Variants in ANO7 observed in about 807,000 individuals in gnomAD.
ANO7 encodes the protein anoctamin 7, also known as anoctamin-7.
A neutral mutation model predicts 115.8 loss-of-function variants in ANO7; 114 were observed. That is an observed-to-expected ratio of 0.98 (90% CI 0.85 to 1.15). The LOEUF is 1.15. ANO7 is among the 50% of genes most tolerant of loss of function. ANO7 has a pLI of 0.00. For synonymous variants in ANO7, 550 were observed against 498.2 expected (o/e 1.10, Z -1.38); for missense variants, 1,302 against 1,201.2 (o/e 1.08, Z -1.24).
At position 241,203,372 on chromosome 2, in the gene ANO7, C is replaced by A. The variant is rs138472746; in HGVS notation, c.763C>A (p.Arg255Ser). ...KTPPEGPQAP[R>S]LNQRQVLFQH... is the part of the protein sequence containing the mutation. ...GCCCCCAGAGGGCCCGCAGGCTCCA[C>A]GCCTCAACCAGCGCCAAGTCCTTTT... The change falls in exon 9 of 25, where the codon CGC becomes AGC. Residue 255 changes from arginine (R) to serine (S), a missense_variant. Transcript: ENST00000674324. This position sits in a 1 kb window ranked among gnomAD's most constrained non-coding sequence, Gnocchi z 4.8. 1.3e-6 allele frequency: 2 copies of A among 1,597,564 alleles called. No individual in the cohort carries two copies. Among genetic ancestry groups the A allele is most frequent in the South Asian group, 1.1e-5 (1 of 89,076 alleles).
rs555897429 is a variant in ANO7 at position 241,203,575 on chromosome 2, G to A, written c.889+77G>A. 267 of 1,155,032 alleles carry A rather than the reference G, an allele frequency of 2.3e-4. No homozygotes were observed. The African/African-American group carries it at 3.4e-3, about 15-fold the overall frequency. The allele number at this position is 1,155,032 out of a possible 1,614,324, so 71.5% of individuals were successfully genotyped here. On this transcript the variant is annotated intron_variant, in intron 9 of 24. Coordinates refer to ENST00000674324, the MANE Select transcript of ANO7 (RefSeq NM_001370694.2). This position sits in a 1 kb window ranked among gnomAD's most constrained non-coding sequence, Gnocchi z 4.8. Reference sequence around the variant, plus strand: ...TCAGGTTGTAACAATTTGCCAGTCCGTACCCCTGGAGGGCAGCGTGCGTGG... The same window carrying A: ...TCAGGTTGTAACAATTTGCCAGTCCATACCCCTGGAGGGCAGCGTGCGTGG...
At chr2:241,239,006 C>T in the ANO7 span, among the ~76,000 whole-genome samples, 1 of 152,180 alleles carries the variant, frequency 6.6e-6, no homozygotes, top group Admixed American at 6.5e-5. The surrounding 1 kb of genome is among the most constrained non-coding windows in gnomAD (Gnocchi z 4.6). Context: ...TCCCAGAAGG[C>T]CAGGTGCCAT....
Position 241,203,604 on chromosome 2 carries a change from C to A in ANO7, c.889+106C>A. On this transcript the variant is annotated intron_variant, in intron 9 of 24. Transcript: ENST00000674324. The surrounding 1 kb of genome is among the most constrained non-coding windows in gnomAD (Gnocchi z 4.8). ...CCCTGGAGGGCAGCGTGCGTGGGGG[C>A]CTGGACGGTGGGCGCAGCTCTTGGC... 1 of 834,242 alleles carries A rather than the reference C, an allele frequency of 1.2e-6. No homozygotes were observed. The highest frequency in any genetic ancestry group is 1.8e-6 in the Non-Finnish European group (1 of 567,936). The allele number at this position is 834,242 out of a possible 1,614,324, so 51.7% of individuals were successfully genotyped here.
the ANO7 span, among the ~76,000 whole-genome samples, chr2:241,237,072 T>A: frequency 2.7e-5 from 4 of 147,494 alleles, no homozygotes; most frequent in African/African-American, 1.0e-4. Flanking sequence ...TAACAGCAAC[T>A]AACTACAGCA....
intron 3 of ANO7, among the ~76,000 whole-genome samples, chr2:241,193,323 G>A (rs1282502850): frequency 6.6e-6 from 1 of 152,116 alleles, no homozygotes; most frequent in Non-Finnish European, 1.5e-5. Flanking sequence ...GCCCGCCTTG[G>A]CCTCCAAAAG....
At chr2:241,233,614 G>A in the ANO7 span, among the ~76,000 whole-genome samples, 2 of 152,130 alleles carry the variant, frequency 1.3e-5, no homozygotes, top group African/African-American at 2.4e-5. The surrounding 1 kb of genome is among the most constrained non-coding windows in gnomAD (Gnocchi z 4.3). Context: ...CCAGGCCCCA[G>A]ATGATACATA....
chr2:241,209,850 C>A (rs1253786221), intron 13 of ANO7, among the ~76,000 whole-genome samples: 1 of 152,098 alleles, frequency 6.6e-6, no homozygotes, highest in African/African-American at 2.4e-5. Flanking sequence ...GAGGGTCTCC[C>A]CGTGGGTGCG....
chr2:241,236,903 C>T, the ANO7 span: 1 of 802,090 alleles, frequency 1.2e-6, no homozygotes, highest in Non-Finnish European at 1.9e-6. Flanking sequence ...TCCTGTCCTT[C>T]AGGAGGTCTT....
At chr2:241,196,838 CGT>C (rs60120827) in intron 4 of ANO7, among the ~76,000 whole-genome samples, 5,315 of 146,796 alleles carry the variant, frequency 0.036, 188 homozygotes, top group East Asian at 0.15. Flanking sequence ...TCAATTCATT[CGT>C]GTGTGTGTGT....
In ANO7 at chr2:241,209,439, C is replaced by A; in HGVS notation, c.1221+11C>A. On this transcript the variant is annotated intron_variant, in intron 12 of 24. Transcript: ENST00000674324. ...TACGAGGACACTGAGGTGAGCCACC[C>A]CCGCTGGACCACGGTCACACCCGGC... is the stretch of plus-strand genomic sequence containing the variant. The A allele has an allele frequency of 6.3e-7, 1 of 1,597,214 alleles. No homozygotes were observed. Among genetic ancestry groups the A allele is most frequent in the Non-Finnish European group, 8.5e-7 (1 of 1,173,498 alleles).
intron 19 of ANO7, 195 bp from the exon 20 acceptor site, chr2:241,217,491 C>G (rs1261349559): frequency 1.6e-6 from 1 of 623,496 alleles, no homozygotes; most frequent in Non-Finnish European, 2.7e-6. Flanking sequence ...GGCAGGACAG[C>G]CGGCCTGAGG....
chr2:241,214,808 G>A lies in ANO7; in HGVS notation c.1732G>A (p.Ala578Thr), dbSNP rs762465345. The A allele has an allele frequency of 4.3e-5, 70 of 1,611,200 alleles. No individual in the cohort carries two copies. Among genetic ancestry groups the A allele is most frequent in the African/African-American group, 6.7e-5 (5 of 74,904 alleles). The change falls in exon 18 of 25, where the codon GCG (alanine) becomes ACG (threonine). Residue 578 changes from alanine to threonine, a missense_variant. By Grantham distance (58) the Ala-to-Thr change is moderately conservative. Coordinates refer to ENST00000674324, the MANE Select transcript of ANO7 (RefSeq NM_001370694.2). ...AACCTGAGCCCTGCTGCCGTAGTGCGCGGCTGGAGGCTGCCTGATCGAGCT... is the reference window on the plus strand; with the variant it reads ...AACCTGAGCCCTGCTGCCGTAGTGCACGGCTGGAGGCTGCCTGATCGAGCT... The part of the protein sequence containing the change: ...TLFGVRNEEC[A>T]AGGCLIELAQ...
the ANO7 span, among the ~76,000 whole-genome samples, chr2:241,234,590 T>C: frequency 6.6e-6 from 1 of 152,234 alleles, no homozygotes; most frequent in Admixed American, 6.5e-5. Flanking sequence ...CCCCTGCTCC[T>C]GTCTGCAGCA....
At chr2:241,236,299 G>A in the ANO7 span, 6 of 370,974 alleles carry the variant, frequency 1.6e-5, no homozygotes, top group South Asian at 1.6e-4. Context: ...GTTGCAACTG[G>A]AGGTCACATT....
intron 19 of ANO7, among the ~76,000 whole-genome samples, chr2:241,216,894 C>T (rs113376790): frequency 0.099 from 15,143 of 152,222 alleles, 2,515 homozygotes; most frequent in African/African-American, 0.34. Context: ...AGTGCAGTGG[C>T]GCCATCTCGG....
chr2:241,209,189 G>A, intron 11 of ANO7, 96 bp from the exon 12 acceptor site: 1 of 1,361,940 alleles, frequency 7.3e-7, no homozygotes, highest in Non-Finnish European at 9.9e-7. Context: ...GGATGTGTGT[G>A]GGATGCACAC....
intron 13 of ANO7, among the ~76,000 whole-genome samples, chr2:241,210,057 C>T (rs1443825970): frequency 6.6e-6 from 1 of 152,216 alleles, no homozygotes; most frequent in Admixed American, 6.5e-5. Context: ...ACAGTGGCTG[C>T]CTTGACACCC....
intron 13 of ANO7, among the ~76,000 whole-genome samples, chr2:241,209,868 G>A (rs2068681720): frequency 6.6e-6 from 1 of 152,158 alleles, no homozygotes; most frequent in Non-Finnish European, 1.5e-5. Flanking sequence ...GCGGGCATGG[G>A]GCATTTTTCA....
At position 241,223,485 on chromosome 2, in the gene ANO7, G is replaced by T. The variant is rs189517847; in HGVS notation, c.2413-177G>T. The stretch of plus-strand genomic sequence containing the variant: ...GGACATTGTGGGTGTCTCCACAGGA[G>T]CCCCAGGGCCACGAAAGCTGGGGTG... On this transcript the variant is annotated intron_variant, in intron 22 of 24. Transcript: ENST00000674324. The T allele has an allele frequency of 1.0e-4, 110 of 1,101,586 alleles. No homozygotes were observed. In the East Asian group the frequency reaches 2.5e-3, roughly 25 times the overall value. The allele number at this position is 1,101,586 out of a possible 1,614,324, so 68.2% of individuals were successfully genotyped here.
Sources: allele counts gnomAD v4.1 joint callset (sites outside exome capture counted in the v4.1 genomes callset), GRCh38; gene constraint gnomAD v4.1.1; non-coding constraint Gnocchi (gnomAD v3.1); transcripts MANE v1.5; gene names NCBI Gene and HGNC (gene_info 2026-07-23, HGNC 2026-07-21).